CACNA1D: variants seen among roughly 807,000 people sequenced by gnomAD.
CACNA1D encodes the protein voltage-dependent L-type calcium channel subunit alpha-1D.
A neutral mutation model predicts 257.1 loss-of-function variants in CACNA1D; 55 were observed. The ratio of observed to expected loss-of-function variants is 0.21; its 90% confidence interval spans 0.17 to 0.27. CACNA1D has a LOEUF of 0.27. Among genes scored for constraint, CACNA1D ranks in the 10% least tolerant of loss-of-function variants. The pLI, the probability that CACNA1D is intolerant of heterozygous loss-of-function variation, is 1.00. For synonymous variants in CACNA1D, 980 were observed against 1,014.9 expected, an observed-to-expected ratio of 0.97 and a Z score of 0.65; for missense variants, 1,876 against 2,784.0, an observed-to-expected ratio of 0.67 and a Z score of 7.34.
chr3:53,775,040 T>C (rs1202020496), intron 34 of CACNA1D, among the ~76,000 whole-genome samples: 1 of 152,184 alleles, frequency 6.6e-6, no homozygotes, highest in African/African-American at 2.4e-5. Flanking sequence ...GTCAAGGCCT[T>C]TTGCACAGCC....
Position 53,673,930 on chromosome 3 carries a change from C to T in CACNA1D, c.1220+804C>T. On this transcript the variant is annotated intron_variant, in intron 8 of 47. Transcript: ENST00000350061. The surrounding 1 kb of genome is among the most constrained non-coding windows in gnomAD (Gnocchi z 4.1). ...CTGCATGTGTTTGGACTCTGATGTCCTCTCAGTGTGTTGCTTTTGGATTGA... is the reference window on the plus strand; with the variant it reads ...CTGCATGTGTTTGGACTCTGATGTCTTCTCAGTGTGTTGCTTTTGGATTGA... 2 of 757,860 alleles carry T rather than the reference C, an allele frequency of 2.6e-6. No individual in the cohort carries two copies. Among genetic ancestry groups the T allele is most frequent in the South Asian group, 1.4e-5 (1 of 71,616 alleles). 46.9% of individuals were successfully genotyped at this position (757,860 alleles called of 1,614,324 possible).
In CACNA1D at chr3:53,770,487, G is replaced by A. The variant is rs768676464; in HGVS notation, c.3979G>A (p.Val1327Met). ...CCGTCTTTTCCGAGTGATGCGATTG[G>A]TGAAGCTTCTCAGCAGGGGGGAAGG... ...FFRLFRVMRL[V>M]KLLSRGEGIR... Residue 1327 changes from valine (V) to methionine (M), a missense_variant, in exon 32 of 48, where the codon GTG (valine) becomes ATG (methionine). Physicochemically the swap from Val to Met is conservative, Grantham distance 21 (BLOSUM62 1). Transcript: ENST00000350061. 6.2e-7 allele frequency: 1 copy of A among 1,613,610 alleles called. No homozygotes were observed. The highest frequency in any genetic ancestry group is 8.5e-7 in the Non-Finnish European group (1 of 1,179,512).
intron 3 of CACNA1D, among the ~76,000 whole-genome samples, chr3:53,521,573 A>C (rs1414246866): frequency 6.6e-6 from 1 of 152,160 alleles, no homozygotes; most frequent in African/African-American, 2.4e-5. Context: ...ACCTTGGGAC[A>C]TTCTCAGTTT....
At chr3:53,644,419 C>T (rs2680655) in intron 3 of CACNA1D, among the ~76,000 whole-genome samples, 4,278 of 152,268 alleles carry the variant, frequency 0.028, 216 homozygotes, top group African/African-American at 0.097. Context: ...TGAACTTACT[C>T]TTTCTAGCTT....
At chr3:53,533,170 C>A (rs2092003793) in intron 3 of CACNA1D, among the ~76,000 whole-genome samples, 1 of 152,178 alleles carries the variant, frequency 6.6e-6, no homozygotes, top group Admixed American at 6.5e-5. Context: ...AAGCTCAGAG[C>A]TAAATTTATT....
chr3:53,624,198 TCA>T (rs2093731034), intron 3 of CACNA1D, among the ~76,000 whole-genome samples: 3 of 152,196 alleles, frequency 2.0e-5, no homozygotes, highest in African/African-American at 7.2e-5. Context: ...CTGTAGAGAA[TCA>T]CAGAGTGAAC....
At chr3:53,687,309 T>C (rs538035621) in intron 8 of CACNA1D, among the ~76,000 whole-genome samples, 45 of 152,146 alleles carry the variant, frequency 3.0e-4, no homozygotes, top group African/African-American at 9.9e-4. Flanking sequence ...TGACCTCTAA[T>C]GAAAACAATC....
intron 8 of CACNA1D, among the ~76,000 whole-genome samples, chr3:53,682,386 A>AAAAAC (rs1553634126): frequency 6.8e-6 from 1 of 147,226 alleles, no homozygotes; most frequent in Non-Finnish European, 1.5e-5. Context: ...AAAAAAAAAA[A>AAAAAC]AAAAAAAAAA....
chr3:53,517,175 A>G (rs1390788239), intron 3 of CACNA1D, among the ~76,000 whole-genome samples: 2 of 151,202 alleles, frequency 1.3e-5, no homozygotes, highest in African/African-American at 2.4e-5. Context: ...CGAGGAGAGG[A>G]CTTGGCTTCA....
intron 3 of CACNA1D, among the ~76,000 whole-genome samples, chr3:53,616,355 C>T (rs978191168): frequency 6.6e-6 from 1 of 152,168 alleles, no homozygotes; most frequent in Non-Finnish European, 1.5e-5. Flanking sequence ...GGGGAAGGGA[C>T]AACATTGTGG....
At chr3:53,496,279 C>T (rs2090341792) in intron 1 of CACNA1D, among the ~76,000 whole-genome samples, 1 of 152,172 alleles carries the variant, frequency 6.6e-6, no homozygotes, top group Non-Finnish European at 1.5e-5. Context: ...GCGGGGGCTT[C>T]GCATAGGGAG....
chr3:53,602,021 T>C (rs1243244085), intron 3 of CACNA1D, among the ~76,000 whole-genome samples: 2 of 152,200 alleles, frequency 1.3e-5, no homozygotes, highest in East Asian at 3.9e-4. Context: ...TGTGTTAGAT[T>C]AGTGTTAGAG....
chr3:53,556,649 A>T (rs2092649816), intron 3 of CACNA1D, among the ~76,000 whole-genome samples: 1 of 150,632 alleles, frequency 6.6e-6, no homozygotes, highest in South Asian at 2.1e-4. Context: ...TTTATCAGAT[A>T]TGTGATTTGC....
intron 7 of CACNA1D, among the ~76,000 whole-genome samples, chr3:53,666,825 A>T (rs1216591883): frequency 6.6e-6 from 1 of 152,120 alleles, no homozygotes; most frequent in Non-Finnish European, 1.5e-5. Flanking sequence ...CTTTGGAGGA[A>T]CTCCAGGAAG....
intron 3 of CACNA1D, among the ~76,000 whole-genome samples, chr3:53,614,082 A>G (rs1363373763): frequency 2.7e-5 from 4 of 146,944 alleles, no homozygotes; most frequent in South Asian, 2.2e-4. Flanking sequence ...ACTTGAGCCT[A>G]GGAGTTCAAG....
chr3:53,523,895 C>T (rs932810914), intron 3 of CACNA1D, among the ~76,000 whole-genome samples: 1 of 152,230 alleles, frequency 6.6e-6, no homozygotes, highest in Admixed American at 6.5e-5. Context: ...CCTCCTCCAC[C>T]AGACTCTGAG....
At chr3:53,670,287 A>G (rs1456916396) in intron 7 of CACNA1D, among the ~76,000 whole-genome samples, 1 of 152,176 alleles carries the variant, frequency 6.6e-6, no homozygotes, top group Non-Finnish European at 1.5e-5. Context: ...AGCTAGAAAA[A>G]CAGCCTTGCA....
chr3:53,797,209 G>A (rs1046687104), intron 40 of CACNA1D, among the ~76,000 whole-genome samples: 2 of 152,182 alleles, frequency 1.3e-5, no homozygotes. Context: ...AGCTTGATAT[G>A]TGTGCTAGAA....
At position 53,650,960 on chromosome 3, in the gene CACNA1D, G is replaced by A. The variant is rs778665949; in HGVS notation, c.623+42G>A. On this transcript the variant is annotated intron_variant, in intron 4 of 47. Coordinates refer to ENST00000350061, the MANE Select transcript of CACNA1D (RefSeq NM_001128840.3). ...TTGGGGAAATGTTGATTTGGAAAAT[G>A]GGAGGTGGAGGTTGGGGGGGGTGGT... 52 of 1,568,048 alleles carry A rather than the reference G, an allele frequency of 3.3e-5. 1 individual carries two copies. Among genetic ancestry groups the A allele is most frequent in the Admixed American group, 1.7e-5 (1 of 59,826 alleles).
Sources: allele counts gnomAD v4.1 joint callset (sites outside exome capture counted in the v4.1 genomes callset), GRCh38; gene constraint gnomAD v4.1.1; non-coding constraint Gnocchi (gnomAD v3.1); transcripts MANE v1.5; gene names NCBI Gene and HGNC (gene_info 2026-07-23, HGNC 2026-07-21).